Variants in GULP1 observed in about 807,000 individuals in gnomAD.
GULP1 encodes GULP PTB domain containing engulfment adaptor 1.
A neutral mutation model predicts 40.9 loss-of-function variants in GULP1; 19 were observed. The observed-to-expected ratio is 0.46, with a 90% confidence interval of 0.32 to 0.68. The LOEUF (loss-of-function observed/expected upper bound fraction) is 0.68, where lower values mean the gene tolerates loss of function less well. Ranked by LOEUF, GULP1 falls within the 30% of genes least tolerant of loss-of-function variation. GULP1 has a pLI of 0.03. For synonymous variants in GULP1, 119 were observed against 117.6 expected, an observed-to-expected ratio of 1.01 and a Z score of -0.08; for missense variants, 312 against 362.2, an observed-to-expected ratio of 0.86 and a Z score of 1.12.
chr2:188,523,647 G>A (rs1213482397), intron 5 of GULP1, among the ~76,000 whole-genome samples: 1 of 151,798 alleles, frequency 6.6e-6, no homozygotes, highest in Non-Finnish European at 1.5e-5. Context: ...TTTGGTTTAG[G>A]GACCATCCGG....
intron 1 of GULP1, among the ~76,000 whole-genome samples, chr2:188,330,228 A>G (rs1174626722): frequency 6.6e-6 from 1 of 152,210 alleles, no homozygotes; most frequent in African/African-American, 2.4e-5. Flanking sequence ...TAAGTATTTT[A>G]TAAAAATAAA....
chr2:188,434,434 A>G (rs1297563095), intron 2 of GULP1, among the ~76,000 whole-genome samples: 3 of 151,306 alleles, frequency 2.0e-5, no homozygotes, highest in South Asian at 2.1e-4. Context: ...TGATATGTAC[A>G]TGTTTTTGAA....
chr2:188,568,847 A>G (rs1031329763), intron 7 of GULP1, among the ~76,000 whole-genome samples: 2 of 152,214 alleles, frequency 1.3e-5, no homozygotes, highest in African/African-American at 4.8e-5. Context: ...CAAAGCAAGG[A>G]GAGAAACTAC....
At chr2:188,579,933 A>G (rs1255665573) in intron 9 of GULP1, among the ~76,000 whole-genome samples, 1 of 152,152 alleles carries the variant, frequency 6.6e-6, no homozygotes, top group Non-Finnish European at 1.5e-5. Context: ...GAGTATTACC[A>G]TGTATATTTT....
chr2:188,445,315 C>T (rs1191308885), intron 2 of GULP1, among the ~76,000 whole-genome samples: 1 of 151,804 alleles, frequency 6.6e-6, no homozygotes, highest in East Asian at 1.9e-4. Flanking sequence ...AACAAAAACA[C>T]TGAAAGCAGG....
intron 7 of GULP1, among the ~76,000 whole-genome samples, chr2:188,548,005 G>A (rs1692422203): frequency 6.6e-6 from 1 of 151,890 alleles, no homozygotes; most frequent in Non-Finnish European, 1.5e-5. Flanking sequence ...GAGCATCTAA[G>A]CAAAATACAG....
At chr2:188,412,504 G>T (rs899957862) in intron 2 of GULP1, among the ~76,000 whole-genome samples, 6 of 152,046 alleles carry the variant, frequency 3.9e-5, no homozygotes, top group Admixed American at 2.0e-4. Context: ...AATCATTGTT[G>T]TGTCCTCTGG....
chr2:188,392,678 A>G (rs545589192), intron 2 of GULP1, among the ~76,000 whole-genome samples: 121 of 152,070 alleles, frequency 8.0e-4, no homozygotes, highest in African/African-American at 2.8e-3. Flanking sequence ...TTGAGATGTG[A>G]CATTAGGTTG....
At chr2:188,396,734 G>A (rs192808500) in intron 2 of GULP1, among the ~76,000 whole-genome samples, 2 of 152,138 alleles carry the variant, frequency 1.3e-5, no homozygotes, top group South Asian at 2.1e-4. Context: ...GTCCCCGCTC[G>A]AGATTATATT....
At chr2:188,353,979 GACACCCTATCCT>G (rs1158175201) in intron 1 of GULP1, among the ~76,000 whole-genome samples, 1 of 151,828 alleles carries the variant, frequency 6.6e-6, no homozygotes, top group Non-Finnish European at 1.5e-5. Context: ...GATGAACTGA[GACACCCTATCCT>G]ACAGGACAAG....
At chr2:188,309,440 T>C (rs1338501621) in intron 1 of GULP1, among the ~76,000 whole-genome samples, 1 of 152,186 alleles carries the variant, frequency 6.6e-6, no homozygotes, top group African/African-American at 2.4e-5. Flanking sequence ...CACTTCAGTC[T>C]GGGCAATAGA....
chr2:188,513,463 G>A (rs1186171114), intron 4 of GULP1, among the ~76,000 whole-genome samples: 1 of 151,986 alleles, frequency 6.6e-6, no homozygotes, highest in East Asian at 1.9e-4. Context: ...TAATTGATGA[G>A]GTTTTGTTAG....
chr2:188,295,226 A>T (rs966909453), intron 1 of GULP1, among the ~76,000 whole-genome samples: 3 of 152,186 alleles, frequency 2.0e-5, no homozygotes, highest in Admixed American at 2.0e-4. Context: ...AAATATATTT[A>T]TGACATACAA....
chr2:188,580,752 C>A (rs149752569), intron 9 of GULP1, among the ~76,000 whole-genome samples: 2,345 of 152,172 alleles, frequency 0.015, 33 homozygotes, highest in South Asian at 0.069. Context: ...GGGGGGCCTC[C>A]TAGCTTAAGG....
chr2:188,535,570 CT>C (rs1688726353), intron 6 of GULP1, among the ~76,000 whole-genome samples: 1 of 152,032 alleles, frequency 6.6e-6, no homozygotes, highest in African/African-American at 2.4e-5. Context: ...ACCACATTTT[CT>C]TTATCCAATC....
chr2:188,337,086 GTATCTATATCTATATCTA>G (rs71020747), intron 1 of GULP1, among the ~76,000 whole-genome samples: 2,105 of 145,558 alleles, frequency 0.014, 21 homozygotes, highest in Non-Finnish European at 0.02. Context: ...AAATATATCT[GTATCTATATCTATATCTA>G]TATCTATATC....
chr2:188,515,931 C>A, intron 4 of GULP1, among the ~76,000 whole-genome samples: 1 of 152,102 alleles, frequency 6.6e-6, no homozygotes, highest in East Asian at 1.9e-4. Context: ...TTAAAATAGT[C>A]AAATATTTCT....
At chr2:188,572,584 T>C (rs1211401369) in intron 9 of GULP1, among the ~76,000 whole-genome samples, 1 of 152,238 alleles carries the variant, frequency 6.6e-6, no homozygotes, top group Non-Finnish European at 1.5e-5. Flanking sequence ...TCTTTTGTCA[T>C]GTAATGTTGT....
At chr2:188,362,733 TG>T (rs1159222866) in intron 1 of GULP1, among the ~76,000 whole-genome samples, 1 of 152,088 alleles carries the variant, frequency 6.6e-6, no homozygotes, top group Non-Finnish European at 1.5e-5. Flanking sequence ...CTGGACATTA[TG>T]GGTGTAGATC....
Sources: gnomAD v4.1 joint callset for allele counts (sites outside exome capture counted in the v4.1 genomes callset) on GRCh38, gnomAD v4.1.1 for gene constraint, MANE v1.5 for transcripts, NCBI Gene and HGNC (gene_info 2026-07-23, HGNC 2026-07-21) for gene names.